Variants in FRMD5 observed in about 807,000 individuals in gnomAD.
FRMD5 encodes the protein FERM domain-containing protein 5.
Under a neutral mutation model 69.0 loss-of-function variants are expected in FRMD5, and 20 were observed. That is an observed-to-expected ratio of 0.29 (90% CI 0.20 to 0.42). FRMD5 has a LOEUF of 0.42. Ranked by LOEUF, FRMD5 falls within the 10% of genes least tolerant of loss-of-function variation. The pLI is 1.00. For synonymous variants in FRMD5, 271 were observed against 260.1 expected (o/e 1.04, Z -0.40); for missense variants, 595 against 708.6 (o/e 0.84, Z 1.82).
chr15:43,913,672 T>A (rs904459066), intron 4 of FRMD5, among the ~76,000 whole-genome samples: 1 of 152,226 alleles, frequency 6.6e-6, no homozygotes, highest in African/African-American at 2.4e-5. Flanking sequence ...AGGCAAGGGA[T>A]CAGCCTGCTG....
At chr15:44,042,871 A>C (rs886320778) in intron 1 of FRMD5, among the ~76,000 whole-genome samples, 1 of 152,272 alleles carries the variant, frequency 6.6e-6, no homozygotes, top group Non-Finnish European at 1.5e-5. Context: ...CCGGCACAAG[A>C]CAAGGATAGC....
At chr15:44,135,463 C>A (rs2077168147) in intron 1 of FRMD5, among the ~76,000 whole-genome samples, 1 of 152,102 alleles carries the variant, frequency 6.6e-6, no homozygotes, top group African/African-American at 2.4e-5. Context: ...TGTTTTATTG[C>A]CTAATTATTA....
intron 1 of FRMD5, among the ~76,000 whole-genome samples, chr15:44,089,568 T>G (rs1291186392): frequency 1.3e-5 from 2 of 151,940 alleles, no homozygotes; most frequent in Non-Finnish European, 2.9e-5. Flanking sequence ...CCGGGCATGG[T>G]GGCATGCACC....
chr15:44,183,019 C>T (rs1263652266), intron 1 of FRMD5, among the ~76,000 whole-genome samples: 1 of 151,162 alleles, frequency 6.6e-6, no homozygotes, highest in Non-Finnish European at 1.5e-5. Context: ...AGGATGGTCT[C>T]GATCTCCTGA....
chr15:44,180,300 A>G (rs1181538531), intron 1 of FRMD5, among the ~76,000 whole-genome samples: 5 of 152,138 alleles, frequency 3.3e-5, no homozygotes, highest in Non-Finnish European at 7.3e-5. Context: ...GAACTCAATA[A>G]TTTTTTAATC....
At position 43,988,047 on chromosome 15, in the gene FRMD5, G is replaced by A. The variant is rs367591206; in HGVS notation, c.103-63738C>T. ...ATCCCTCATGTGCACAGTTCACAAT[G>A]GGGTTCATGCTCCTATGAGAATCTA... is the stretch of plus-strand genomic sequence containing the variant. On this transcript the variant is annotated intron_variant, in intron 1 of 13. Transcript: ENST00000417257. Among the ~76,000 whole-genome samples the A allele has an allele frequency of 5.9e-5, 9 of 152,210 alleles. No individual in the cohort carries two copies. In the East Asian group the frequency reaches 9.6e-4, roughly 16 times the overall value.
At chr15:43,941,990 G>A (rs1184135222) in intron 1 of FRMD5, among the ~76,000 whole-genome samples, 1 of 152,178 alleles carries the variant, frequency 6.6e-6, no homozygotes, top group Non-Finnish European at 1.5e-5. Context: ...AGCCATGACA[G>A]CTGCAAAATG....
At chr15:44,170,409 G>A (rs1236864825) in intron 1 of FRMD5, among the ~76,000 whole-genome samples, 1 of 151,824 alleles carries the variant, frequency 6.6e-6, no homozygotes, top group Non-Finnish European at 1.5e-5. Context: ...TCTAATCCCA[G>A]CTACACGGGA....
chr15:43,927,439 T>C (rs1271378607), intron 1 of FRMD5, among the ~76,000 whole-genome samples: 1 of 152,202 alleles, frequency 6.6e-6, no homozygotes, highest in Non-Finnish European at 1.5e-5. Flanking sequence ...TTCTGGGTGG[T>C]GGGCCACAAA....
upstream of FRMD5, among the ~76,000 whole-genome samples, chr15:44,197,269 G>A (rs938280724): frequency 1.3e-5 from 2 of 152,076 alleles, no homozygotes; most frequent in African/African-American, 2.4e-5. Context: ...AAATCCCAGA[G>A]GAAGAAGACC....
intron 4 of FRMD5, among the ~76,000 whole-genome samples, chr15:43,911,588 G>A (rs1278709652): frequency 1.3e-5 from 2 of 152,204 alleles, no homozygotes; most frequent in Non-Finnish European, 2.9e-5. Context: ...CCCTGAGCCA[G>A]AACCACCCAG....
chr15:44,123,388 C>T (rs2076982829), intron 1 of FRMD5, among the ~76,000 whole-genome samples: 1 of 151,664 alleles, frequency 6.6e-6, no homozygotes, highest in Non-Finnish European at 1.5e-5. Context: ...AAAAGTGACC[C>T]TCAAGGAATA....
At chr15:44,089,878 A>G (rs1423937766) in intron 1 of FRMD5, among the ~76,000 whole-genome samples, 2 of 152,128 alleles carry the variant, frequency 1.3e-5, no homozygotes, top group African/African-American at 4.8e-5. Context: ...ATAAAGCAGG[A>G]ACAAAGAGAA....
intron 1 of FRMD5, among the ~76,000 whole-genome samples, chr15:43,996,508 T>C (rs1889931156): frequency 1.3e-5 from 2 of 152,274 alleles, no homozygotes; most frequent in Non-Finnish European, 1.5e-5. Flanking sequence ...ATTGCTGTAC[T>C]CCCTCATCTG....
chr15:43,951,983 TGTG>T (rs2090039643), intron 1 of FRMD5, among the ~76,000 whole-genome samples: 10 of 139,236 alleles, frequency 7.2e-5, no homozygotes, highest in African/African-American at 2.8e-4. Flanking sequence ...GTGTGTGTTG[TGTG>T]TGTGTGTGTG....
intron 1 of FRMD5, among the ~76,000 whole-genome samples, chr15:44,170,998 A>C (rs1489083830): frequency 6.6e-6 from 1 of 152,180 alleles, no homozygotes; most frequent in Non-Finnish European, 1.5e-5. Flanking sequence ...AATTGATGTA[A>C]TCTCTTCATG....
intron 1 of FRMD5, among the ~76,000 whole-genome samples, chr15:44,011,683 G>C (rs1287147235): frequency 1.3e-5 from 2 of 152,004 alleles, no homozygotes; most frequent in African/African-American, 4.8e-5. Context: ...GAAAGAGAAG[G>C]GTAAAGGGCA....
chr15:44,122,877 C>A (rs777645420), intron 1 of FRMD5, among the ~76,000 whole-genome samples: 3 of 143,950 alleles, frequency 2.1e-5, no homozygotes, highest in Non-Finnish European at 4.6e-5. Flanking sequence ...GACGACAGAG[C>A]AAGACTCTGT....
chr15:44,140,957 T>C lies in FRMD5; in HGVS notation c.102+53996A>G, dbSNP rs556541944. 2.7e-5 allele frequency among the ~76,000 whole-genome samples: 4 copies of C among 148,094 alleles called. No homozygotes were observed. In the South Asian group the frequency reaches 8.5e-4, roughly 32 times the overall value. On this transcript the variant is annotated intron_variant, in intron 1 of 13. Transcript: ENST00000417257. ...GAGGATTCAGCAGGGTTGCTGGATATAAGATCAACTTGTAAAAACTGACAG... is the reference window on the plus strand; with the variant it reads ...GAGGATTCAGCAGGGTTGCTGGATACAAGATCAACTTGTAAAAACTGACAG...
Sources: gnomAD v4.1 joint callset for allele counts (sites outside exome capture counted in the v4.1 genomes callset) on GRCh38, gnomAD v4.1.1 for gene constraint, MANE v1.5 for transcripts, NCBI Gene and HGNC (gene_info 2026-07-23, HGNC 2026-07-21) for gene names.